LRP6: variants seen among roughly 807,000 people sequenced by gnomAD.
LRP6 encodes low-density lipoprotein receptor-related protein 6.
Under a neutral mutation model 184.1 loss-of-function variants are expected in LRP6, and 43 were observed. The ratio of observed to expected loss-of-function variants is 0.23; its 90% CI spans 0.18 to 0.30. The LOEUF is 0.30. Ranked by LOEUF, LRP6 falls within the 10% of genes least tolerant of loss-of-function variation. LRP6 has a pLI of 1.00. For synonymous variants in LRP6, 719 were observed against 684.9 expected, an observed-to-expected ratio of 1.05 and a Z score of -0.78; for missense variants, 1,571 against 2,005.3, an observed-to-expected ratio of 0.78 and a Z score of 4.14.
chr12:12,144,185 A>G (rs1183219121), intron 15 of LRP6, among the ~76,000 whole-genome samples: 1 of 152,254 alleles, frequency 6.6e-6, no homozygotes, highest in Non-Finnish European at 1.5e-5. Context: ...GAATTCCTAT[A>G]CAACAATAAA....
chr12:12,266,560 G>C, intron 1 of LRP6, 121 bp downstream of exon 1: 1 of 754,822 alleles, frequency 1.3e-6, no homozygotes, highest in Non-Finnish European at 2.2e-6. Flanking sequence ...CCCACGACCA[G>C]GCCTCTCCCC....
In LRP6 at chr12:12,135,286, C is replaced by T. The variant is rs762935163; in HGVS notation, c.3622G>A (p.Ala1208Thr). 8 of 1,612,636 alleles carry T rather than the reference C, an allele frequency of 5.0e-6. 1 individual carries two copies. The East Asian group carries it at 1.6e-4, about 32-fold the overall frequency. Residue 1208 changes from alanine (A) to threonine (T), a missense_variant, in exon 17 of 23, where the codon GCT becomes ACT. By Grantham distance (58) the Ala-to-Thr change is moderately conservative (BLOSUM62 0). Coordinates refer to ENST00000261349, the MANE Select transcript of LRP6 (RefSeq NM_002336.3). Reference sequence around the variant, plus strand: ...TGTGAACAGCCACCATTATCCTGAGCACAAGGGTGCTGTCCTGCAAAGAGA... The same window carrying T: ...TGTGAACAGCCACCATTATCCTGAGTACAAGGGTGCTGTCCTGCAAAGAGA... ...NLQEYRQHPC[A>T]QDNGGCSHIC...
At chr12:12,131,097 ATTTTTTT>A (rs35705276) in intron 18 of LRP6, among the ~76,000 whole-genome samples, 33 of 78,202 alleles carry the variant, frequency 4.2e-4, no homozygotes, top group East Asian at 1.1e-3. Flanking sequence ...ATTTCCTAAC[ATTTTTTT>A]TTTTTTTTTT....
chr12:12,163,482 A>C (rs77056304), intron 9 of LRP6, among the ~76,000 whole-genome samples: 2,058 of 152,348 alleles, frequency 0.014, 40 homozygotes, highest in African/African-American at 0.046. Flanking sequence ...AGAAAAGATT[A>C]TTCTTCAGAT....
intron 5 of LRP6, among the ~76,000 whole-genome samples, chr12:12,181,809 TA>T (rs1244766494): frequency 1.3e-5 from 2 of 152,186 alleles, no homozygotes; most frequent in Admixed American, 6.5e-5. Context: ...AAGCATTTTT[TA>T]AAAAAAGATA....
At chr12:12,231,368 T>C (rs1486245378) in intron 2 of LRP6, among the ~76,000 whole-genome samples, 1 of 151,666 alleles carries the variant, frequency 6.6e-6, no homozygotes, top group Non-Finnish European at 1.5e-5. Flanking sequence ...CAAAGAACAA[T>C]GAAGTAGAAA....
intron 8 of LRP6, among the ~76,000 whole-genome samples, chr12:12,164,792 G>C (rs1182407514): frequency 1.3e-5 from 2 of 151,684 alleles, no homozygotes; most frequent in African/African-American, 4.8e-5. Context: ...TTTAAAGTAA[G>C]GTATATTATT....
chr12:12,235,454 G>A (rs1864908083), intron 2 of LRP6, among the ~76,000 whole-genome samples: 1 of 152,142 alleles, frequency 6.6e-6, no homozygotes, highest in Non-Finnish European at 1.5e-5. Context: ...ATACAGCCGG[G>A]AGCAGTGGCT....
chr12:12,178,459 A>G (rs530245587), intron 7 of LRP6, among the ~76,000 whole-genome samples: 2 of 152,302 alleles, frequency 1.3e-5, no homozygotes, highest in East Asian at 3.9e-4. Flanking sequence ...TTCTTGCTAC[A>G]GATATTCTTC....
intron 21 of LRP6, among the ~76,000 whole-genome samples, chr12:12,124,941 G>GT (rs1225063575): frequency 6.6e-5 from 10 of 152,178 alleles, no homozygotes; most frequent in Admixed American, 6.5e-4. Context: ...ATTTAAAATA[G>GT]TAAGTATTTA....
At chr12:12,163,707 T>A (rs1192070510) in intron 9 of LRP6, among the ~76,000 whole-genome samples, 1 of 152,142 alleles carries the variant, frequency 6.6e-6, no homozygotes, top group Admixed American at 6.6e-5. Flanking sequence ...TTGCAGAAAA[T>A]GTCATTCATC....
intron 2 of LRP6, among the ~76,000 whole-genome samples, chr12:12,232,457 C>G (rs1864816710): frequency 6.6e-6 from 1 of 151,580 alleles, no homozygotes; most frequent in Non-Finnish European, 1.5e-5. Flanking sequence ...CCCAAAATCT[C>G]TCTGGAGGAA....
At chr12:12,209,823 G>A (rs996323962) in intron 2 of LRP6, among the ~76,000 whole-genome samples, 9 of 152,084 alleles carry the variant, frequency 5.9e-5, no homozygotes, top group African/African-American at 1.4e-4. Flanking sequence ...TTGCCCTTAC[G>A]AAATTCGCAA....
In LRP6 at chr12:12,192,593, G is replaced by C. The variant is rs187529781; in HGVS notation, c.648-5474C>G. ...GTTACAGTAGACAGTAACCATAAGA[G>C]AGCTGGAGCAGCTCTATCAGACAAA... On this transcript the variant is annotated intron_variant, in intron 3 of 22. Transcript: ENST00000261349. Among the ~76,000 whole-genome samples, 359 of 152,108 alleles carry C rather than the reference G, an allele frequency of 2.4e-3. 3 individuals are homozygous for C. Among genetic ancestry groups the C allele is most frequent in the Admixed American group, 2.9e-3 (45 of 15,278 alleles).
At chr12:12,216,832 ACCCTCCCCCT>A (rs919663658) in intron 2 of LRP6, among the ~76,000 whole-genome samples, 13 of 130,778 alleles carry the variant, frequency 9.9e-5, no homozygotes, top group African/African-American at 3.8e-4. Flanking sequence ...CCTCCCACAC[ACCCTCCCCCT>A]CCCTCCCCCT....
At chr12:12,140,945 TC>T (rs1347634623) in intron 15 of LRP6, among the ~76,000 whole-genome samples, 21 of 152,080 alleles carry the variant, frequency 1.4e-4, no homozygotes, top group Non-Finnish European at 2.6e-4. Flanking sequence ...GCATATCAAA[TC>T]CAGCAATAAA....
At chr12:12,160,952 T>A (rs539713969) in intron 10 of LRP6, among the ~76,000 whole-genome samples, 1 of 152,252 alleles carries the variant, frequency 6.6e-6, no homozygotes, top group Admixed American at 6.5e-5. Flanking sequence ...TTGGTAGCAA[T>A]GTATGAACAT....
At chr12:12,197,025 T>A (rs949274439) in intron 3 of LRP6, among the ~76,000 whole-genome samples, 1 of 152,208 alleles carries the variant, frequency 6.6e-6, no homozygotes, top group East Asian at 1.9e-4. Context: ...TACACTCACA[T>A]AGGAAAAGCA....
intron 3 of LRP6, among the ~76,000 whole-genome samples, chr12:12,201,385 C>G (rs1045013757): frequency 2.0e-5 from 3 of 152,196 alleles, no homozygotes; most frequent in Non-Finnish European, 4.4e-5. Flanking sequence ...TCACACTGCA[C>G]TTGCCTAATA....
Sources: allele counts gnomAD v4.1 joint callset (sites outside exome capture counted in the v4.1 genomes callset), GRCh38; gene constraint gnomAD v4.1.1; transcripts MANE v1.5; gene names NCBI Gene and HGNC (gene_info 2026-07-23, HGNC 2026-07-21).